Variants in TBL1X observed in about 807,000 individuals in gnomAD.
TBL1X encodes F-box-like/WD repeat-containing protein TBL1X.
Under a neutral mutation model 50.7 loss-of-function variants are expected in TBL1X, and 10 were observed. That is an observed-to-expected ratio of 0.20 (90% CI 0.12 to 0.33). TBL1X has a LOEUF of 0.33. Among genes scored for constraint, TBL1X ranks in the 10% least tolerant of loss-of-function variants. The pLI, the probability that TBL1X is intolerant of heterozygous loss-of-function variation, is 1.00. For synonymous variants in TBL1X, 190 were observed against 214.7 expected (o/e 0.88, Z 1.01); for missense variants, 340 against 504.4 (o/e 0.67, Z 3.12).
chrX:9,697,768 C>T (rs906911537), intron 12 of TBL1X, among the ~76,000 whole-genome samples: 1 of 111,468 alleles, frequency 9.0e-6, no homozygotes, highest in Admixed American at 9.5e-5. Context: ...CAGACCGTGT[C>T]TCAAAAACTA....
intron 2 of TBL1X, among the ~76,000 whole-genome samples, chrX:9,534,580 T>C (rs1018709678): frequency 9.0e-6 from 1 of 110,812 alleles, no homozygotes; most frequent in Non-Finnish European, 1.9e-5. Flanking sequence ...AAAAAAAAAA[T>C]ACAGTGTTGA....
chrX:9,685,717 C>CTTTTTTTTTTTT (rs752837096), intron 6 of TBL1X, among the ~76,000 whole-genome samples: 11 of 59,635 alleles, frequency 1.8e-4, no homozygotes, highest in Admixed American at 2.6e-4. Context: ...CTTTTCTTTT[C>CTTTTTTTTTTTT]TTTTTTTTTT....
At position 9,624,718 on chromosome X, in the gene TBL1X, A is replaced by G. The variant is rs370573034; in HGVS notation, c.-130-15555A>G. ...ATTAGACTGGTAAAGTGGGAATAGT[A>G]GAAAAGAGAAAGGCGGGATTTGGGA... is the stretch of plus-strand genomic sequence containing the variant. On this transcript the variant is annotated intron_variant, in intron 2 of 17. Coordinates refer to ENST00000645353, the MANE Select transcript of TBL1X (RefSeq NM_005647.4). Among the ~76,000 whole-genome samples the G allele has an allele frequency of 8.9e-5, 10 of 112,314 alleles. No homozygotes were observed. In the East Asian group the frequency reaches 1.9e-3, roughly 22 times the overall value.
chrX:9,526,872 T>C (rs753942077), intron 2 of TBL1X, among the ~76,000 whole-genome samples: 62 of 111,485 alleles, frequency 5.6e-4, no homozygotes, highest in Non-Finnish European at 1.1e-3. Context: ...TTGATAGACT[T>C]GTGGGGAGGC....
chrX:9,644,679 G>C (rs1399052337), intron 3 of TBL1X: 1 of 105,911 alleles, frequency 9.4e-6, no homozygotes. Context: ...TTTTTTAGAT[G>C]GAGGCTCGCT....
intron 2 of TBL1X, among the ~76,000 whole-genome samples, chrX:9,513,266 G>T (rs1191807845): frequency 3.6e-5 from 4 of 110,830 alleles, no homozygotes; most frequent in African/African-American, 1.3e-4. Context: ...ACTAACCCAG[G>T]TTGTTGCTTG....
At chrX:9,664,970 G>A (rs1441259892) in intron 5 of TBL1X, among the ~76,000 whole-genome samples, 1 of 110,859 alleles carries the variant, frequency 9.0e-6, no homozygotes, top group African/African-American at 3.3e-5. Flanking sequence ...TAAAATCAAT[G>A]TCAGTTAAGA....
chrX:9,629,331 G>C (rs917010737), intron 2 of TBL1X, among the ~76,000 whole-genome samples: 2 of 112,300 alleles, frequency 1.8e-5, no homozygotes, highest in African/African-American at 6.5e-5. Flanking sequence ...AGGTACACGT[G>C]ACTACGATGG....
intron 1 of TBL1X, among the ~76,000 whole-genome samples, chrX:9,486,548 C>G (rs1359549904): frequency 9.1e-6 from 1 of 109,782 alleles, no homozygotes; most frequent in Non-Finnish European, 1.9e-5. Context: ...ATAACTCTTT[C>G]AACCAGTTGC....
chrX:9,611,984 G>C (rs771969525), intron 2 of TBL1X, among the ~76,000 whole-genome samples: 42 of 112,952 alleles, frequency 3.7e-4, no homozygotes, highest in Non-Finnish European at 4.7e-4. Context: ...AAGGCAGAGC[G>C]TTGGCTAGTG....
At chrX:9,679,978 G>A (rs751309092) in intron 5 of TBL1X, among the ~76,000 whole-genome samples, 1 of 112,016 alleles carries the variant, frequency 8.9e-6, no homozygotes, top group Non-Finnish European at 1.9e-5. Flanking sequence ...ATTGCTCACA[G>A]TCCTGGAGGC....
intron 2 of TBL1X, among the ~76,000 whole-genome samples, chrX:9,587,250 T>C (rs1490027068): frequency 1.8e-5 from 2 of 111,917 alleles, no homozygotes; most frequent in East Asian, 5.7e-4. Context: ...TGTCCGCGGC[T>C]TGCGCTTGGA....
intron 1 of TBL1X, among the ~76,000 whole-genome samples, chrX:9,474,237 TAGG>T (rs771484928): frequency 1.1e-3 from 123 of 113,007 alleles, no homozygotes; most frequent in African/African-American, 3.8e-3. Flanking sequence ...TTACATGAGT[TAGG>T]AGCACCTTCT....
chrX:9,595,039 C>T (rs2082520694), intron 2 of TBL1X, among the ~76,000 whole-genome samples: 1 of 111,779 alleles, frequency 8.9e-6, no homozygotes, highest in Admixed American at 9.5e-5. Context: ...CTGGAAGCAC[C>T]AGGGTTTCCA....
intron 2 of TBL1X, among the ~76,000 whole-genome samples, chrX:9,510,673 A>T (rs1202228868): frequency 8.9e-6 from 1 of 112,384 alleles, no homozygotes; most frequent in Non-Finnish European, 1.9e-5. Flanking sequence ...GGTATTTTTT[A>T]GATGAAATAA....
chrX:9,602,256 C>G (rs1406519181), intron 2 of TBL1X, among the ~76,000 whole-genome samples: 1 of 111,428 alleles, frequency 9.0e-6, no homozygotes, highest in Non-Finnish European at 1.9e-5. Flanking sequence ...TACCATTAAG[C>G]CTCAGGTGAT....
intron 12 of TBL1X, among the ~76,000 whole-genome samples, chrX:9,702,172 A>AT (rs1338949730): frequency 9.0e-6 from 1 of 111,497 alleles, no homozygotes; most frequent in African/African-American, 3.3e-5. Flanking sequence ...GCGTTGGCTC[A>AT]TTCCTGTAAT....
At chrX:9,510,615 C>T (rs778707818) in intron 2 of TBL1X, among the ~76,000 whole-genome samples, 1 of 112,033 alleles carries the variant, frequency 8.9e-6, no homozygotes, top group Non-Finnish European at 1.9e-5. Flanking sequence ...CTTGGCTAGG[C>T]CATAGTATTC....
chrX:9,704,124 G>A (rs1569105207), intron 12 of TBL1X, among the ~76,000 whole-genome samples: 1 of 112,186 alleles, frequency 8.9e-6, no homozygotes, highest in Non-Finnish European at 1.9e-5. Flanking sequence ...TGAACCACCT[G>A]GACCTGAGAA....
Sources: gnomAD v4.1 joint callset for allele counts (sites outside exome capture counted in the v4.1 genomes callset) on GRCh38, gnomAD v4.1.1 for gene constraint, MANE v1.5 for transcripts, NCBI Gene and HGNC (gene_info 2026-07-23, HGNC 2026-07-21) for gene names.